KLHL1: variants seen among roughly 807,000 people sequenced by gnomAD.
KLHL1 encodes kelch-like protein 1.
In KLHL1, 47 loss-of-function variants were observed where a neutral mutation model predicts 77.7. The observed-to-expected ratio is 0.60, with a 90% CI of 0.48 to 0.77. The LOEUF is 0.77. Ranked by LOEUF, KLHL1 falls within the 30% of genes least tolerant of loss-of-function variation. The pLI, the probability that KLHL1 is intolerant of heterozygous loss-of-function variation, is 0.00. For missense variants in KLHL1, 925 were observed against 910.8 expected, an observed-to-expected ratio of 1.02 and a Z score of -0.20; for synonymous variants, 360 against 325.2, an observed-to-expected ratio of 1.11 and a Z score of -1.15.
chr13:69,730,917 A>G (rs533447181), intron 8 of KLHL1, among the ~76,000 whole-genome samples: 4 of 152,240 alleles, frequency 2.6e-5, no homozygotes, highest in African/African-American at 9.6e-5. Context: ...AAGTTTTACT[A>G]TCCATGAATA....
intron 7 of KLHL1, among the ~76,000 whole-genome samples, chr13:69,782,654 G>A (rs975651712): frequency 1.3e-5 from 2 of 152,212 alleles, no homozygotes; most frequent in African/African-American, 4.8e-5. Flanking sequence ...AGTAAACAAA[G>A]CAGCCAGGAA....
In KLHL1 at chr13:70,107,730, G is replaced by C. The variant is rs1422084797; in HGVS notation, c.-31C>G. 1.1e-5 allele frequency: 17 copies of C among 1,485,350 alleles called. No homozygotes were observed. Among genetic ancestry groups the C allele is most frequent in the Non-Finnish European group, 1.5e-5 (17 of 1,120,166 alleles). The allele number at this position is 1,485,350 out of a possible 1,614,324, so 92.0% of individuals were successfully genotyped here. A position where few individuals can be genotyped will look rare whatever the true frequency, so the allele number is the denominator to read the frequency against. Reference sequence around the variant, plus strand: ...ACGCACAGAAGGCAAAAGGCTGGCAGCTCACGCAGGAGTAGGCTGGTCAGC... The same window carrying C: ...ACGCACAGAAGGCAAAAGGCTGGCACCTCACGCAGGAGTAGGCTGGTCAGC... On this transcript the variant is annotated 5_prime_UTR_variant, in exon 1 of 11. Coordinates refer to ENST00000377844, the MANE Select transcript of KLHL1 (RefSeq NM_020866.3).
chr13:69,789,118 T>TATC (rs144621870), intron 7 of KLHL1, among the ~76,000 whole-genome samples: 3,702 of 152,194 alleles, frequency 0.024, 64 homozygotes, highest in Non-Finnish European at 0.037. Flanking sequence ...TTAAAATCTG[T>TATC]ATCTATCCTC....
Position 70,107,540 on chromosome 13 carries a change from T to TCAAAAG in KLHL1, c.159_160insCTTTTG (p.Gln53_Ser54insLeuLeu). ...CTCTCTTGGCTTTTGAGCAGGCGACTCTGGCTGGGTCCCCAGTGCTCAAAG... is the reference window on the plus strand; with the variant it reads ...CTCTCTTGGCTTTTGAGCAGGCGACTCAAAAGCTGGCTGGGTCCCCAGTGCTCAAAG... On this transcript the variant is annotated inframe_insertion, in exon 1 of 11. Transcript: ENST00000377844. 1 of 1,609,660 alleles carries TCAAAAG rather than the reference T, an allele frequency of 6.2e-7. No individual in the cohort carries two copies. The highest frequency in any genetic ancestry group is 8.5e-7 in the Non-Finnish European group (1 of 1,177,498).
At position 70,107,642 on chromosome 13, in the gene KLHL1, T is replaced by G; in HGVS notation, c.58A>C (p.Lys20Gln). 1.3e-6 allele frequency: 2 copies of G among 1,554,508 alleles called. No homozygotes were observed. The highest frequency in any genetic ancestry group is 1.7e-6 in the Non-Finnish European group (2 of 1,154,566). ...DVKHILRLRW[K>Q]LFSHPSPSTG... The stretch of plus-strand genomic sequence containing the variant: ...GAAGGAGACGGGTGGCTGAAGAGTT[T>G]CCAGCGGAGTCGCAGAATGTGCTTC... The change falls in exon 1 of 11, where the codon AAA (lysine) becomes CAA (glutamine). Residue 20 changes from lysine to glutamine, a missense_variant. Transcript: ENST00000377844.
intron 4 of KLHL1, among the ~76,000 whole-genome samples, chr13:69,916,779 A>T (rs954291081): frequency 6.6e-6 from 1 of 152,134 alleles, no homozygotes; most frequent in Non-Finnish European, 1.5e-5. Context: ...ACCACATAGT[A>T]AATGGCTATA....
intron 4 of KLHL1, among the ~76,000 whole-genome samples, chr13:69,883,646 C>T (rs1881087184): frequency 6.6e-6 from 1 of 152,126 alleles, no homozygotes. Context: ...TGACACAAAG[C>T]CTGGAAAACA....
At chr13:69,771,708 AT>A (rs1875576391) in intron 7 of KLHL1, among the ~76,000 whole-genome samples, 1 of 152,020 alleles carries the variant, frequency 6.6e-6, no homozygotes. Flanking sequence ...TAGTTTTTAG[AT>A]TTGGGGGCTT....
intron 1 of KLHL1, among the ~76,000 whole-genome samples, chr13:69,996,480 A>G (rs1326235703): frequency 6.6e-6 from 1 of 152,106 alleles, no homozygotes; most frequent in African/African-American, 2.4e-5. Context: ...TCCAGATGTG[A>G]TATTTTTACA....
intron 7 of KLHL1, among the ~76,000 whole-genome samples, chr13:69,752,952 C>T (rs567022474): frequency 6.6e-6 from 1 of 152,272 alleles, no homozygotes; most frequent in East Asian, 1.9e-4. Context: ...AGTGACTATG[C>T]ATGGTGGAAT....
chr13:69,784,921 G>T (rs182443286), intron 7 of KLHL1, among the ~76,000 whole-genome samples: 14 of 111,928 alleles, frequency 1.3e-4, no homozygotes, highest in African/African-American at 4.9e-4. Context: ...ACAGAGTCTC[G>T]CTCTGTCGCC....
chr13:69,968,074 T>A (rs904055572), intron 2 of KLHL1, among the ~76,000 whole-genome samples: 1 of 151,706 alleles, frequency 6.6e-6, no homozygotes, highest in African/African-American at 2.4e-5. Context: ...TTGCAATGTA[T>A]TTCACTATCA....
intron 6 of KLHL1, among the ~76,000 whole-genome samples, chr13:69,837,117 ATAT>A (rs1176476533): frequency 2.6e-5 from 4 of 151,906 alleles, no homozygotes; most frequent in African/African-American, 9.7e-5. Context: ...TAACTTGGTA[ATAT>A]TATAAATTCT....
intron 4 of KLHL1, among the ~76,000 whole-genome samples, chr13:69,909,985 T>C (rs1011137138): frequency 1.3e-5 from 2 of 152,092 alleles, no homozygotes; most frequent in Non-Finnish European, 2.9e-5. Context: ...CAAATCTCAC[T>C]GTCTAAAATG....
At chr13:70,056,265 G>A (rs769640001) in intron 1 of KLHL1, among the ~76,000 whole-genome samples, 4 of 151,988 alleles carry the variant, frequency 2.6e-5, no homozygotes, top group Non-Finnish European at 5.9e-5. Flanking sequence ...AAATGATGAC[G>A]GGTTCAATTC....
chr13:69,819,004 T>G (rs1343714552), intron 6 of KLHL1, among the ~76,000 whole-genome samples: 2 of 152,216 alleles, frequency 1.3e-5, no homozygotes, highest in Non-Finnish European at 2.9e-5. Context: ...AAGTGTATCA[T>G]TTTCTTTCTC....
intron 7 of KLHL1, among the ~76,000 whole-genome samples, chr13:69,766,454 TTA>T (rs1387113504): frequency 2.7e-5 from 4 of 150,630 alleles, no homozygotes; most frequent in East Asian, 3.9e-4. Context: ...TAAGTTTATT[TTA>T]TGTCACCTAA....
chr13:69,785,094 A>G (rs111319403), intron 7 of KLHL1, among the ~76,000 whole-genome samples: 53,704 of 149,546 alleles, frequency 0.36, 9,825 homozygotes, highest in African/African-American at 0.43. Context: ...GGGTTTCACC[A>G]TTTTAGCCGG....
At chr13:69,884,816 A>G (rs1338129730) in intron 4 of KLHL1, among the ~76,000 whole-genome samples, 2 of 152,166 alleles carry the variant, frequency 1.3e-5, no homozygotes, top group African/African-American at 2.4e-5. Context: ...TGGCCTCCAG[A>G]AAACTTAGAG....
Sources: allele counts gnomAD v4.1 joint callset (sites outside exome capture counted in the v4.1 genomes callset), GRCh38; gene constraint gnomAD v4.1.1; transcripts MANE v1.5; gene names NCBI Gene and HGNC (gene_info 2026-07-23, HGNC 2026-07-21).